The following TASP1 variants were observed in gnomAD, a reference collection of about 807,000 sequenced individuals.
TASP1 encodes the protein taspase 1.
A neutral mutation model predicts 56.6 loss-of-function variants in TASP1; 16 were observed. That is an observed-to-expected ratio of 0.28 (90% confidence interval 0.19 to 0.43). The LOEUF (loss-of-function observed/expected upper bound fraction) is 0.43. Among genes scored for constraint, TASP1 ranks in the 20% least tolerant of loss-of-function variants. TASP1 has a pLI of 1.00. For synonymous variants in TASP1, 179 were observed against 184.2 expected, an observed-to-expected ratio of 0.97 and a Z score of 0.23; for missense variants, 393 against 511.6, an observed-to-expected ratio of 0.77 and a Z score of 2.24.
chr20:13,404,983 C>T (rs2041865589), intron 13 of TASP1, among the ~76,000 whole-genome samples: 1 of 152,042 alleles, frequency 6.6e-6, no homozygotes, highest in Non-Finnish European at 1.5e-5. Context: ...TCTTTAAGAG[C>T]CAGATACACT....
At chr20:13,422,085 C>T (rs143074940) in intron 12 of TASP1, among the ~76,000 whole-genome samples, 3 of 150,992 alleles carry the variant, frequency 2.0e-5, no homozygotes, top group Non-Finnish European at 3.0e-5. Flanking sequence ...CCTAGTAGCT[C>T]GGACTACAGG....
chr20:13,384,016 T>C, the TASP1 span, among the ~76,000 whole-genome samples: 5 of 152,290 alleles, frequency 3.3e-5, no homozygotes, highest in South Asian at 6.2e-4. Flanking sequence ...AAGATTAAAA[T>C]CTTACTACTT....
At chr20:13,391,770 A>C (rs1220474497) in intron 13 of TASP1, among the ~76,000 whole-genome samples, 1 of 151,936 alleles carries the variant, frequency 6.6e-6, no homozygotes, top group African/African-American at 2.4e-5. Context: ...GATAGAGACC[A>C]TCCTGGCCAA....
the TASP1 span, among the ~76,000 whole-genome samples, chr20:13,268,353 T>G: frequency 2.4e-4 from 1 of 4,170 alleles, no homozygotes; most frequent in Non-Finnish European, 4.3e-4. Flanking sequence ...TCTTCCTCTC[T>G]CTCTCTCTCT....
the TASP1 span, among the ~76,000 whole-genome samples, chr20:13,349,275 T>G: frequency 1.3e-5 from 2 of 152,234 alleles, no homozygotes; most frequent in African/African-American, 4.8e-5. Context: ...CCAGTTTCAT[T>G]TTATCATTGC....
chr20:13,329,887 C>T, the TASP1 span, among the ~76,000 whole-genome samples: 1 of 152,152 alleles, frequency 6.6e-6, no homozygotes, highest in Non-Finnish European at 1.5e-5. Flanking sequence ...AAATATCATT[C>T]TCAACTTGAG....
At chr20:13,505,662 C>G (rs2044102750) in intron 10 of TASP1, among the ~76,000 whole-genome samples, 1 of 152,088 alleles carries the variant, frequency 6.6e-6, no homozygotes, top group African/African-American at 2.4e-5. Flanking sequence ...CTGAAAGAAA[C>G]AATGGGTCAA....
At chr20:13,474,942 T>C (rs1163198339) in intron 11 of TASP1, among the ~76,000 whole-genome samples, 4 of 152,186 alleles carry the variant, frequency 2.6e-5, no homozygotes, top group Admixed American at 2.0e-4. Flanking sequence ...TGGAGAAATG[T>C]CTACTCATGT....
the TASP1 span, among the ~76,000 whole-genome samples, chr20:13,222,539 A>C: frequency 7.2e-5 from 11 of 151,944 alleles, no homozygotes; most frequent in South Asian, 2.3e-3. Context: ...GAAGGTGCAG[A>C]GTGAAGGCAC....
At chr20:13,246,265 T>C in the TASP1 span, among the ~76,000 whole-genome samples, 1 of 130,488 alleles carries the variant, frequency 7.7e-6, no homozygotes, top group African/African-American at 3.2e-5. Flanking sequence ...ACAGCGAGAC[T>C]CCATCTCAAA....
the TASP1 span, chr20:13,165,273 G>C: frequency 6.1e-6 from 1 of 164,742 alleles, no homozygotes. Flanking sequence ...GCAGATGTAA[G>C]TGAGTGTGGT....
the TASP1 span, among the ~76,000 whole-genome samples, chr20:13,284,518 T>C: frequency 1.3e-5 from 2 of 152,222 alleles, no homozygotes; most frequent in Non-Finnish European, 2.9e-5. Flanking sequence ...CAGTGGCCCC[T>C]GGTAGGTGAG....
chr20:13,545,437 C>T (rs1054266788), intron 8 of TASP1, among the ~76,000 whole-genome samples: 6 of 152,170 alleles, frequency 3.9e-5, no homozygotes, highest in Admixed American at 2.6e-4. Flanking sequence ...ATATTCCCCT[C>T]ATTTGGTCAG....
chr20:13,382,773 A>G, the TASP1 span, among the ~76,000 whole-genome samples: 1 of 152,228 alleles, frequency 6.6e-6, no homozygotes, highest in African/African-American at 2.4e-5. Flanking sequence ...TGCTCCAGGA[A>G]CATTTAAAAA....
intron 5 of TASP1, among the ~76,000 whole-genome samples, chr20:13,585,218 A>G (rs2047260144): frequency 1.3e-5 from 2 of 152,232 alleles, no homozygotes; most frequent in South Asian, 2.1e-4. Flanking sequence ...TCTGAGCTTG[A>G]TAAGAAAGCT....
At chr20:13,453,768 T>G (rs950327824) in intron 11 of TASP1, among the ~76,000 whole-genome samples, 7 of 152,196 alleles carry the variant, frequency 4.6e-5, no homozygotes, top group African/African-American at 1.7e-4. Context: ...GAAGGTTACA[T>G]TCTGATGGCA....
At chr20:13,127,911 G>A in the TASP1 span, among the ~76,000 whole-genome samples, 3 of 152,216 alleles carry the variant, frequency 2.0e-5, no homozygotes, top group East Asian at 5.8e-4. Flanking sequence ...TCCAGTCTAG[G>A]AAGCCCTTAT....
At chr20:13,415,614 A>T (rs1205563998) in intron 13 of TASP1, among the ~76,000 whole-genome samples, 1 of 152,152 alleles carries the variant, frequency 6.6e-6, no homozygotes, top group Non-Finnish European at 1.5e-5. Context: ...AGAATTTACC[A>T]GCAATAAGAA....
intron 5 of TASP1, among the ~76,000 whole-genome samples, chr20:13,581,235 C>G (rs2047115399): frequency 6.6e-6 from 1 of 152,094 alleles, no homozygotes; most frequent in South Asian, 2.1e-4. Flanking sequence ...GCTATAGAAG[C>G]AAAGGCTGAA....
Sources: allele counts gnomAD v4.1 joint callset (sites outside exome capture counted in the v4.1 genomes callset), GRCh38; gene constraint gnomAD v4.1.1; transcripts MANE v1.5; gene names NCBI Gene and HGNC (gene_info 2026-07-23, HGNC 2026-07-21).